The following ITGBL1 variants were observed in gnomAD, a reference collection of about 807,000 sequenced individuals.
ITGBL1 encodes integrin subunit beta like 1.
Under a neutral mutation model 68.5 loss-of-function variants are expected in ITGBL1, and 51 were observed. The ratio of observed to expected loss-of-function variants is 0.74; its 90% CI spans 0.59 to 0.94. The LOEUF (loss-of-function observed/expected upper bound fraction) is 0.94, where lower values mean the gene tolerates loss of function less well. Among genes scored for constraint, ITGBL1 ranks in the 40% least tolerant of loss-of-function variants. The probability of loss-of-function intolerance (pLI) is 0.00; values close to 1 mark genes in which losing one functional copy is unlikely to be tolerated. For synonymous variants in ITGBL1, 209 were observed against 227.3 expected, an observed-to-expected ratio of 0.92 and a Z score of 0.72; for missense variants, 649 against 647.4, an observed-to-expected ratio of 1.00 and a Z score of -0.03.
intron 2 of ITGBL1, among the ~76,000 whole-genome samples, chr13:101,471,107 G>T (rs2048450760): frequency 6.6e-6 from 1 of 152,134 alleles, no homozygotes; most frequent in East Asian, 1.9e-4. Context: ...ATTATCACAT[G>T]CATTATTAAT....
chr13:101,699,606 C>T (rs868182418), intron 8 of ITGBL1, among the ~76,000 whole-genome samples: 2 of 152,146 alleles, frequency 1.3e-5, no homozygotes, highest in East Asian at 3.9e-4. Context: ...TATTTGCTTC[C>T]CCTTCCACCA....
intron 7 of ITGBL1, among the ~76,000 whole-genome samples, chr13:101,623,484 A>C (rs2031664449): frequency 6.6e-6 from 1 of 152,226 alleles, no homozygotes; most frequent in Non-Finnish European, 1.5e-5. Flanking sequence ...TTCTCATTAC[A>C]CATGGAGAAG....
At chr13:101,475,221 A>G (rs924579586) in intron 2 of ITGBL1, among the ~76,000 whole-genome samples, 2 of 152,174 alleles carry the variant, frequency 1.3e-5, no homozygotes, top group Admixed American at 1.3e-4. Context: ...GAATTCTATC[A>G]GATAAATTTA....
downstream of ITGBL1, chr13:101,718,614 A>G (rs1342100046): frequency 6.6e-6 from 1 of 152,092 alleles, no homozygotes; most frequent in Non-Finnish European, 1.5e-5. Context: ...AAAAAAGTCA[A>G]CTAAAGTGCT....
At chr13:101,525,967 T>TA in intron 2 of ITGBL1, among the ~76,000 whole-genome samples, 1 of 152,064 alleles carries the variant, frequency 6.6e-6, no homozygotes, top group Non-Finnish European at 1.5e-5. Context: ...TGTTCATATA[T>TA]ATTTCTGATA....
chr13:101,675,109 G>A (rs2033468863), intron 7 of ITGBL1, among the ~76,000 whole-genome samples: 2 of 152,118 alleles, frequency 1.3e-5, no homozygotes, highest in South Asian at 4.2e-4. Flanking sequence ...TTTTTAAAAT[G>A]CCATTTCATC....
chr13:101,481,566 T>C (rs2139039934), intron 2 of ITGBL1, among the ~76,000 whole-genome samples: 3 of 152,074 alleles, frequency 2.0e-5, no homozygotes, highest in Admixed American at 2.0e-4. Context: ...CTCCACCTTA[T>C]CCCAGAGATA....
intron 2 of ITGBL1, among the ~76,000 whole-genome samples, chr13:101,458,154 A>G (rs2048269699): frequency 6.6e-6 from 1 of 152,184 alleles, no homozygotes; most frequent in African/African-American, 2.4e-5. Flanking sequence ...GAAATACCAG[A>G]TATCTATAAT....
intron 2 of ITGBL1, among the ~76,000 whole-genome samples, chr13:101,535,749 T>C (rs527685948): frequency 6.6e-6 from 1 of 152,126 alleles, no homozygotes; most frequent in African/African-American, 2.4e-5. Flanking sequence ...TCAAAGATGA[T>C]TTGATTCCAA....
At position 101,588,780 on chromosome 13, in the gene ITGBL1, T is replaced by C. The variant is rs1047211472; in HGVS notation, c.868+5424T>C. On this transcript the variant is annotated intron_variant, in intron 6 of 10. Coordinates refer to ENST00000376180, the MANE Select transcript of ITGBL1 (RefSeq NM_004791.3). ...ATACCATTATCTCTAAACTCTTCTATATAGCAAAACCCAACATTTTCATCT... is the reference window on the plus strand; with the variant it reads ...ATACCATTATCTCTAAACTCTTCTACATAGCAAAACCCAACATTTTCATCT... 3.3e-5 allele frequency among the ~76,000 whole-genome samples: 5 copies of C among 152,280 alleles called. No homozygotes were observed. The East Asian group carries it at 5.8e-4, about 18-fold the overall frequency.
intron 2 of ITGBL1, among the ~76,000 whole-genome samples, chr13:101,490,300 C>T (rs529668376): frequency 3.9e-5 from 6 of 152,252 alleles, no homozygotes; most frequent in East Asian, 1.9e-4. Flanking sequence ...TGAATCTTCC[C>T]GCACTTTGTT....
intron 2 of ITGBL1, among the ~76,000 whole-genome samples, chr13:101,517,669 A>G (rs1003337635): frequency 1.3e-5 from 2 of 152,234 alleles, no homozygotes; most frequent in African/African-American, 4.8e-5. Context: ...CCAGATGTTC[A>G]AGAAATACAG....
At chr13:101,605,794 A>ATGTG (rs151329665) in intron 7 of ITGBL1, among the ~76,000 whole-genome samples, 148,344 of 150,678 alleles carry the variant, frequency 0.98, 73,052 homozygotes, top group East Asian at 1. Flanking sequence ...ATGTGCGTAT[A>ATGTG]TGTACTCGTG....
chr13:101,612,576 AAAAG>A (rs1223738903), intron 7 of ITGBL1, among the ~76,000 whole-genome samples: 1 of 151,696 alleles, frequency 6.6e-6, no homozygotes, highest in African/African-American at 2.4e-5. Flanking sequence ...ATTATAAAAA[AAAAG>A]GTGGTAGCAA....
chr13:101,596,121 T>A (rs1392451976), intron 6 of ITGBL1, among the ~76,000 whole-genome samples: 3 of 152,072 alleles, frequency 2.0e-5, no homozygotes, highest in Non-Finnish European at 4.4e-5. Flanking sequence ...AAGAAGGAAA[T>A]CCTTTCATTT....
At chr13:101,554,013 A>T (rs990521903) in intron 2 of ITGBL1, among the ~76,000 whole-genome samples, 1 of 151,944 alleles carries the variant, frequency 6.6e-6, no homozygotes, top group African/African-American at 2.4e-5. Context: ...ACCTCAGGTG[A>T]TCCTCCTGTC....
chr13:101,678,101 A>C (rs963849213), intron 7 of ITGBL1, among the ~76,000 whole-genome samples: 2 of 152,232 alleles, frequency 1.3e-5, no homozygotes, highest in Non-Finnish European at 2.9e-5. Context: ...AAGACTTAAG[A>C]ATAGTACAAA....
At chr13:101,570,453 A>G (rs114604429) in intron 3 of ITGBL1, among the ~76,000 whole-genome samples, 206 of 152,304 alleles carry the variant, frequency 1.4e-3, no homozygotes, top group African/African-American at 4.5e-3. Flanking sequence ...TGGTATTTGA[A>G]TAAAAATTGT....
At chr13:101,706,301 A>T (rs1167771553) in intron 8 of ITGBL1, among the ~76,000 whole-genome samples, 1 of 152,186 alleles carries the variant, frequency 6.6e-6, no homozygotes, top group Admixed American at 6.5e-5. Context: ...TATAGTACCA[A>T]ATGCCATTTG....
Sources: gnomAD v4.1 joint callset for allele counts (sites outside exome capture counted in the v4.1 genomes callset) on GRCh38, gnomAD v4.1.1 for gene constraint, MANE v1.5 for transcripts, NCBI Gene and HGNC (gene_info 2026-07-23, HGNC 2026-07-21) for gene names.